The following PARD3B variants were observed in gnomAD, a reference collection of about 807,000 sequenced individuals.
PARD3B encodes par-3 family cell polarity regulator beta.
A neutral mutation model predicts 130.2 loss-of-function variants in PARD3B; 103 were observed. That is an observed-to-expected ratio of 0.79 (90% CI 0.67 to 0.93). The LOEUF is 0.93. Among genes scored for constraint, PARD3B ranks in the 40% least tolerant of loss-of-function variants. The pLI, the probability that PARD3B is intolerant of heterozygous loss-of-function variation, is 0.00. For synonymous variants in PARD3B, 583 were observed against 553.2 expected, an observed-to-expected ratio of 1.05 and a Z score of -0.76; for missense variants, 1,609 against 1,499.2, an observed-to-expected ratio of 1.07 and a Z score of -1.21.
chr2:204,561,589 C>T (rs2031311491), intron 1 of PARD3B, among the ~76,000 whole-genome samples: 1 of 149,844 alleles, frequency 6.7e-6, no homozygotes, highest in Admixed American at 6.6e-5. Flanking sequence ...ACTCATCTCC[C>T]TTGTATTTTT....
At chr2:204,914,522 G>T (rs1327466688) in intron 2 of PARD3B, among the ~76,000 whole-genome samples, 1 of 152,314 alleles carries the variant, frequency 6.6e-6, no homozygotes, top group African/African-American at 2.4e-5. Context: ...ATTGGGATGT[G>T]TGACTGGAAG....
chr2:204,750,010 A>C (rs1368077705), intron 2 of PARD3B, among the ~76,000 whole-genome samples: 8 of 152,160 alleles, frequency 5.3e-5, no homozygotes, highest in African/African-American at 1.9e-4. Flanking sequence ...ATTGGGTTGA[A>C]ATGTGTGAAA....
At chr2:205,448,023 A>G (rs1322842527) in intron 20 of PARD3B, among the ~76,000 whole-genome samples, 3 of 152,228 alleles carry the variant, frequency 2.0e-5, no homozygotes, top group African/African-American at 7.2e-5. Context: ...CTCTAAACAT[A>G]TGGCCAGGCT....
At chr2:205,139,389 C>A (rs1483299549) in intron 10 of PARD3B, among the ~76,000 whole-genome samples, 1 of 152,030 alleles carries the variant, frequency 6.6e-6, no homozygotes, top group Non-Finnish European at 1.5e-5. Flanking sequence ...ATAAAAAAAA[C>A]CTCTGGGTTC....
chr2:205,210,476 A>G (rs922943958), intron 15 of PARD3B, among the ~76,000 whole-genome samples: 2 of 152,140 alleles, frequency 1.3e-5, no homozygotes, highest in Admixed American at 6.6e-5. Flanking sequence ...GACTAATATT[A>G]TACTCTTTGC....
At chr2:204,585,956 C>T (rs1489220328) in intron 1 of PARD3B, among the ~76,000 whole-genome samples, 4 of 152,126 alleles carry the variant, frequency 2.6e-5, no homozygotes, top group Non-Finnish European at 5.9e-5. Context: ...TCTTACTTTA[C>T]TATATCATTT....
chr2:205,295,710 T>A (rs2041764559), intron 16 of PARD3B, among the ~76,000 whole-genome samples: 1 of 152,158 alleles, frequency 6.6e-6, no homozygotes, highest in South Asian at 2.1e-4. Flanking sequence ...TCTTTTATTG[T>A]GAGATTTTTA....
intron 18 of PARD3B, among the ~76,000 whole-genome samples, chr2:205,322,595 A>G (rs2042788184): frequency 6.6e-6 from 1 of 152,194 alleles, no homozygotes; most frequent in African/African-American, 2.4e-5. Flanking sequence ...ACATGACCAC[A>G]TATTGCTGAA....
At chr2:205,385,409 A>C (rs9973721) in intron 18 of PARD3B, among the ~76,000 whole-genome samples, 12,667 of 152,210 alleles carry the variant, frequency 0.083, 1,704 homozygotes, top group African/African-American at 0.29. Context: ...AAACTTTGGT[A>C]CACAGTCTAA....
chr2:205,116,607 C>G lies in PARD3B; in HGVS notation c.681-2314C>G, dbSNP rs371417438. On this transcript the variant is annotated intron_variant, in intron 6 of 22. Transcript: ENST00000406610. This position sits in a 1 kb window ranked among gnomAD's most constrained non-coding sequence, Gnocchi z 4.5. ...CTTTAAATTCTGCGAGTCTTGGTCC[C>G]AAATGAGACAGCTACCACAGCCCAC... Among the ~76,000 whole-genome samples, 1 of 152,132 alleles carries G rather than the reference C, an allele frequency of 6.6e-6. No homozygotes were observed. Among genetic ancestry groups the G allele is most frequent in the Admixed American group, 6.5e-5 (1 of 15,274 alleles).
intron 6 of PARD3B, among the ~76,000 whole-genome samples, chr2:205,115,778 C>G (rs531211623): frequency 6.6e-6 from 1 of 152,268 alleles, no homozygotes; most frequent in South Asian, 2.1e-4. Flanking sequence ...CATATGGTTT[C>G]ACTGTGTGAG....
intron 2 of PARD3B, among the ~76,000 whole-genome samples, chr2:204,811,700 T>A (rs2042967275): frequency 6.6e-6 from 1 of 152,146 alleles, no homozygotes; most frequent in African/African-American, 2.4e-5. Flanking sequence ...ATCCACCAAT[T>A]TCAAAATATG....
chr2:204,613,866 T>C (rs556205405), intron 1 of PARD3B, among the ~76,000 whole-genome samples: 1 of 152,274 alleles, frequency 6.6e-6, no homozygotes, highest in South Asian at 2.1e-4. Context: ...ATTTTTTCTT[T>C]TTATTTATGT....
At chr2:204,796,396 A>G (rs1435948488) in intron 2 of PARD3B, among the ~76,000 whole-genome samples, 1 of 152,244 alleles carries the variant, frequency 6.6e-6, no homozygotes, top group Non-Finnish European at 1.5e-5. Context: ...AAAATGCCAC[A>G]GTCAGAAAGC....
intron 2 of PARD3B, among the ~76,000 whole-genome samples, chr2:204,895,131 GA>G (rs1046617594): frequency 6.6e-6 from 1 of 151,950 alleles, no homozygotes; most frequent in African/African-American, 2.4e-5. Flanking sequence ...TTTATGTTGG[GA>G]AAAATCAAGG....
intron 2 of PARD3B, among the ~76,000 whole-genome samples, chr2:204,952,736 C>T (rs1394181919): frequency 3.9e-5 from 6 of 152,050 alleles, no homozygotes; most frequent in Admixed American, 1.3e-4. Context: ...CGGTGGCTCA[C>T]GCCTGTAATC....
At chr2:205,396,738 A>C (rs1456887815) in intron 18 of PARD3B, among the ~76,000 whole-genome samples, 2 of 152,230 alleles carry the variant, frequency 1.3e-5, no homozygotes, top group Non-Finnish European at 2.9e-5. Flanking sequence ...TAAGGCACCT[A>C]GCCCAGAATT....
intron 18 of PARD3B, among the ~76,000 whole-genome samples, chr2:205,302,698 C>T (rs912038751): frequency 3.3e-5 from 5 of 152,182 alleles, no homozygotes; most frequent in East Asian, 1.9e-4. Context: ...GTGCAGTGGC[C>T]GGGCCTCTGG....
In PARD3B at chr2:205,368,631, C is replaced by CA. The variant is rs1242975333; in HGVS notation, c.2631-32377dup. Among the ~76,000 whole-genome samples the CA allele has an allele frequency of 3.3e-5, 5 of 151,922 alleles. No homozygotes were observed. In the East Asian group the frequency reaches 9.6e-4, roughly 29 times the overall value. On this transcript the variant is annotated intron_variant, in intron 18 of 22. Coordinates refer to ENST00000406610, the MANE Select transcript of PARD3B (RefSeq NM_001302769.2). ...TGGGCAACAGAGCAAGATTCCGTCT[C>CA]AAAAATAAAAGTTGTAAAATAAAAA...
Sources: allele counts gnomAD v4.1 joint callset (sites outside exome capture counted in the v4.1 genomes callset), GRCh38; gene constraint gnomAD v4.1.1; non-coding constraint Gnocchi (gnomAD v3.1); transcripts MANE v1.5; gene names NCBI Gene and HGNC (gene_info 2026-07-23, HGNC 2026-07-21).